ADAM23: variants seen among roughly 807,000 people sequenced by gnomAD.
ADAM23 encodes disintegrin and metalloproteinase domain-containing protein 23.
Under a neutral mutation model 120.1 loss-of-function variants are expected in ADAM23, and 33 were observed. That is an observed-to-expected ratio of 0.27 (90% CI 0.21 to 0.37). ADAM23 has a LOEUF of 0.37. ADAM23 is among the 10% of genes least tolerant of loss of function. The pLI, the probability that ADAM23 is intolerant of heterozygous loss-of-function variation, is 1.00. For synonymous variants in ADAM23, 367 were observed against 375.2 expected (o/e 0.98, Z 0.25); for missense variants, 862 against 1,058.2 (o/e 0.81, Z 2.57).
intron 21 of ADAM23, among the ~76,000 whole-genome samples, chr2:206,591,528 A>G (rs559785405): frequency 3.9e-5 from 6 of 152,178 alleles, no homozygotes; most frequent in South Asian, 4.1e-4. Flanking sequence ...TGAATATACT[A>G]TACTTTAGTT....
chr2:206,465,150 A>G (rs920116041), intron 2 of ADAM23, among the ~76,000 whole-genome samples: 5 of 152,162 alleles, frequency 3.3e-5, no homozygotes, highest in Non-Finnish European at 4.4e-5. Flanking sequence ...GGCTTAAGCA[A>G]TCCTCAGCCT....
intron 9 of ADAM23, among the ~76,000 whole-genome samples, chr2:206,553,362 G>A (rs1347682266): frequency 6.6e-6 from 1 of 152,130 alleles, no homozygotes; most frequent in African/African-American, 2.4e-5. Flanking sequence ...ATTGAACCCG[G>A]GAGGTGGAGG....
In ADAM23 at chr2:206,530,949, G is replaced by T. The variant is rs746753055; in HGVS notation, c.573+1G>T. On this transcript the variant is annotated splice_donor_variant, in intron 4 of 25. Coordinates refer to ENST00000264377, the MANE Select transcript of ADAM23 (RefSeq NM_003812.4). LOFTEE classifies it high-confidence loss of function. ...AAATGGGAAACCACAGTACTCTAAG[G>T]TACGGTTACCGGCGTCGGCAAGTAC... 6.2e-7 allele frequency: 1 copy of T among 1,613,184 alleles called. No individual in the cohort carries two copies. The highest frequency in any genetic ancestry group is 2.2e-5 in the East Asian group (1 of 44,852).
chr2:206,609,069 T>C (rs1248901087), intron 24 of ADAM23, among the ~76,000 whole-genome samples: 1 of 152,156 alleles, frequency 6.6e-6, no homozygotes, highest in Non-Finnish European at 1.5e-5. Context: ...AGTGAGCGAG[T>C]GGACAGGAGT....
Position 206,619,793 on chromosome 2 carries a change from A to G in ADAM23, c.*2166A>G, listed in dbSNP as rs1274112688. On this transcript the variant is annotated 3_prime_UTR_variant, in exon 26 of 26. Transcript: ENST00000264377. ...ATAGACCATCACCAAACATCTTATC[A>G]TGTTGTTGCTTTCTGAGTAATAGGT... 3 of 152,168 alleles carry G rather than the reference A, an allele frequency of 2.0e-5. No homozygotes were observed. The highest frequency in any genetic ancestry group is 2.9e-5 in the Non-Finnish European group (2 of 68,026). 9.4% of individuals were successfully genotyped at this position (152,168 alleles called of 1,614,324 possible).
rs748517288 is a variant in ADAM23 at position 206,561,145 on chromosome 2, A to C, written c.1187A>C (p.Tyr396Ser). 2 of 1,614,042 alleles carry C rather than the reference A, an allele frequency of 1.2e-6. No individual in the cohort carries two copies. Among genetic ancestry groups the C allele is most frequent in the Non-Finnish European group, 1.7e-6 (2 of 1,179,940 alleles). ...TTCTTAAGGCGGGTGACATTTCACTATAAGAGAAGCAGTCTGAGTTACTTT... is the reference window on the plus strand; with the variant it reads ...TTCTTAAGGCGGGTGACATTTCACTCTAAGAGAAGCAGTCTGAGTTACTTT... ...VHLISRVTFHYKRSSLSYFGG... is the reference protein window; with the variant it reads ...VHLISRVTFHSKRSSLSYFGG... Residue 396 changes from tyrosine to serine, a missense_variant, in exon 12 of 26, where the codon TAT becomes TCT. Coordinates refer to ENST00000264377, the MANE Select transcript of ADAM23 (RefSeq NM_003812.4).
intron 2 of ADAM23, among the ~76,000 whole-genome samples, chr2:206,458,284 C>T (rs543148813): frequency 5.3e-5 from 8 of 152,206 alleles, no homozygotes; most frequent in Non-Finnish European, 1.0e-4. Flanking sequence ...AATGACTGAC[C>T]AGAGGCTTAG....
At chr2:206,445,283 C>G (rs878978022) in intron 1 of ADAM23, 24 bp from the exon 2 acceptor site, 5 of 1,568,706 alleles carry the variant, frequency 3.2e-6, no homozygotes, top group Admixed American at 1.7e-5. Flanking sequence ...ATTTTCTGCT[C>G]CCCCACCCCC....
At chr2:206,554,175 C>T (rs3770977) in intron 9 of ADAM23, among the ~76,000 whole-genome samples, 15,842 of 151,774 alleles carry the variant, frequency 0.1, 1,045 homozygotes, top group East Asian at 0.21. Flanking sequence ...CGTTGGCTGC[C>T]TGAAAAAAAT....
chr2:206,519,964 G>A (rs535081981), intron 3 of ADAM23, among the ~76,000 whole-genome samples: 3 of 152,006 alleles, frequency 2.0e-5, no homozygotes, highest in Non-Finnish European at 4.4e-5. Flanking sequence ...GCTGTGGGTC[G>A]TGATATTTCT....
chr2:206,550,136 T>TA lies in ADAM23; in HGVS notation c.910dup (p.Met304AsnfsTer4). ...TTGAAGAAATGAAATATTTGGAACT[T>TA]ATGATTGTTAATGATCACAAAACGG... On this transcript the variant is annotated frameshift_variant, in exon 9 of 26. Coordinates refer to ENST00000264377, the MANE Select transcript of ADAM23 (RefSeq NM_003812.4). LOFTEE classifies it high-confidence loss of function. 1 of 1,585,530 alleles carries TA rather than the reference T, an allele frequency of 6.3e-7. No homozygotes were observed. Among genetic ancestry groups the TA allele is most frequent in the Non-Finnish European group, 8.6e-7 (1 of 1,157,694 alleles).
In ADAM23 at chr2:206,444,051, C is replaced by A; in HGVS notation, c.185C>A (p.Pro62His). 3 of 1,399,502 alleles carry A rather than the reference C, an allele frequency of 2.1e-6. No homozygotes were observed. Among genetic ancestry groups the A allele is most frequent in the Non-Finnish European group, 2.8e-6 (3 of 1,073,484 alleles). 86.7% of individuals were successfully genotyped at this position (1,399,502 alleles called of 1,614,324 possible). A position where few individuals can be genotyped will look rare whatever the true frequency, so the allele number is the denominator to read the frequency against. Residue 62 changes from proline (P) to histidine (H), a missense_variant, in exon 1 of 26, where the codon CCC (proline) becomes CAC (histidine). By Grantham distance (77) the Pro-to-His change is moderately conservative. Coordinates refer to ENST00000264377, the MANE Select transcript of ADAM23 (RefSeq NM_003812.4). The part of the protein sequence containing the change: ...LLPPLAASSR[P>H]RAWGAAAPSA... ...CCTCCGCTCGCCGCCTCGTCCCGGC[C>A]CCGCGCCTGGGGGGCTGCTGCGCCC...
intron 21 of ADAM23, among the ~76,000 whole-genome samples, chr2:206,591,167 AT>A (rs552687578): frequency 4.1e-4 from 61 of 149,758 alleles, no homozygotes; most frequent in African/African-American, 1.2e-3. Context: ...CCTCATCTCT[AT>A]TTTTTTTTTA....
intron 9 of ADAM23, among the ~76,000 whole-genome samples, chr2:206,551,225 A>T (rs1056463516): frequency 6.6e-6 from 1 of 152,034 alleles, no homozygotes; most frequent in Non-Finnish European, 1.5e-5. Flanking sequence ...TGGTGTAAAT[A>T]TTGCCACCAT....
chr2:206,458,601 A>G (rs542379762), intron 2 of ADAM23, among the ~76,000 whole-genome samples: 4 of 152,330 alleles, frequency 2.6e-5, no homozygotes, highest in African/African-American at 9.6e-5. Flanking sequence ...AGGGCACTCT[A>G]AGTCAGGCTT....
In ADAM23 at chr2:206,572,580, T is replaced by C. The variant is rs531775049; in HGVS notation, c.1657-535T>C. Among the ~76,000 whole-genome samples, 3 of 152,312 alleles carry C rather than the reference T, an allele frequency of 2.0e-5. No homozygotes were observed. The South Asian group carries it at 6.2e-4, about 32-fold the overall frequency. On this transcript the variant is annotated intron_variant, in intron 17 of 25. Transcript: ENST00000264377. ...GCTTGAGGGCAATGGGCTCTTTCCT[T>C]CACCTTTTACCCACACCCTCCTCAA...
chr2:206,616,506 A>G (rs1698937374), intron 25 of ADAM23, among the ~76,000 whole-genome samples: 1 of 152,228 alleles, frequency 6.6e-6, no homozygotes, highest in Non-Finnish European at 1.5e-5. Flanking sequence ...CAAAGTGACC[A>G]TCTTGGGAAA....
intron 3 of ADAM23, among the ~76,000 whole-genome samples, chr2:206,506,255 T>C (rs892051687): frequency 1.3e-5 from 2 of 152,234 alleles, no homozygotes; most frequent in African/African-American, 4.8e-5. Flanking sequence ...TCTACACGGT[T>C]ATTCTTTGTC....
At chr2:206,580,324 C>A (rs1574546643) in intron 18 of ADAM23, among the ~76,000 whole-genome samples, 1 of 152,216 alleles carries the variant, frequency 6.6e-6, no homozygotes, top group South Asian at 2.1e-4. Context: ...TTCAACTTTT[C>A]CCCATTCAGT....
Sources: gnomAD v4.1 joint callset for allele counts (sites outside exome capture counted in the v4.1 genomes callset) on GRCh38, gnomAD v4.1.1 for gene constraint, MANE v1.5 for transcripts, NCBI Gene and HGNC (gene_info 2026-07-23, HGNC 2026-07-21) for gene names.